The following SNX29 variants were observed in gnomAD, a reference collection of about 807,000 sequenced individuals.
SNX29 encodes the protein sorting nexin-29.
A neutral mutation model predicts 102.1 loss-of-function variants in SNX29; 78 were observed. That is an observed-to-expected ratio of 0.76 (90% CI 0.64 to 0.92). The LOEUF (loss-of-function observed/expected upper bound fraction) is 0.92, where lower values mean the gene tolerates loss of function less well. SNX29 is among the 40% of genes least tolerant of loss of function. The pLI, the probability that SNX29 is intolerant of heterozygous loss-of-function variation, is 0.00. For missense variants in SNX29, 1,280 were observed against 1,061.7 expected (o/e 1.21, Z -2.86); for synonymous variants, 580 against 414.5 (o/e 1.40, Z -4.85).
At chr16:12,555,690 C>T (rs772934380) in intron 20 of SNX29, among the ~76,000 whole-genome samples, 18 of 152,114 alleles carry the variant, frequency 1.2e-4, no homozygotes, top group South Asian at 4.2e-4. Context: ...ATAAGCCTTC[C>T]GATACTCTAC....
At chr16:11,985,930 T>G (rs2055604984) in intron 1 of SNX29, among the ~76,000 whole-genome samples, 1 of 151,660 alleles carries the variant, frequency 6.6e-6, no homozygotes, top group South Asian at 2.1e-4. Context: ...TCTCCCATGT[T>G]CAAGTGATTC....
chr16:12,449,895 G>C (rs1056628690), intron 18 of SNX29, among the ~76,000 whole-genome samples: 5 of 152,174 alleles, frequency 3.3e-5, no homozygotes, highest in African/African-American at 1.2e-4. Context: ...ATTTGGCTGT[G>C]TCCCCACCCA....
At chr16:12,276,877 C>G (rs535417569) in intron 14 of SNX29, among the ~76,000 whole-genome samples, 1 of 152,252 alleles carries the variant, frequency 6.6e-6, no homozygotes, top group African/African-American at 2.4e-5. Flanking sequence ...GACCTGGGAG[C>G]CAGTCTCTTT....
At chr16:12,331,565 T>C (rs1346578766) in intron 15 of SNX29, among the ~76,000 whole-genome samples, 1 of 152,098 alleles carries the variant, frequency 6.6e-6, no homozygotes, top group Non-Finnish European at 1.5e-5. Flanking sequence ...ATTTTTTTGT[T>C]TTTGAGATGA....
rs2054411478 is a variant in SNX29 at position 12,130,432 on chromosome 16, G to A, written c.1595+674G>A. ...GGAGCTTGCAGTGAGCTGAGATCAC[G>A]CCACTGCACTCCAGCCTGGGCGACA... On this transcript the variant is annotated intron_variant, in intron 13 of 20. Transcript: ENST00000566228. Among the ~76,000 whole-genome samples, 3 of 117,772 alleles carry A rather than the reference G, an allele frequency of 2.5e-5. No individual in the cohort carries two copies. The South Asian group carries it at 8.4e-4, about 33-fold the overall frequency. The allele number at this position is 117,772 out of a possible 152,430, so 77.3% of individuals were successfully genotyped here.
At chr16:12,321,788 A>G (rs2080940224) in intron 15 of SNX29, among the ~76,000 whole-genome samples, 1 of 152,156 alleles carries the variant, frequency 6.6e-6, no homozygotes, top group Admixed American at 6.5e-5. Context: ...TTCTCAGAGG[A>G]CAAACACATG....
At chr16:12,377,011 G>T (rs539510041) in intron 16 of SNX29, among the ~76,000 whole-genome samples, 1 of 152,212 alleles carries the variant, frequency 6.6e-6, no homozygotes, top group Admixed American at 6.5e-5. Context: ...TTCTAACCAG[G>T]AGAATGTGGG....
chr16:12,213,107 C>T (rs1482983730), intron 14 of SNX29, among the ~76,000 whole-genome samples: 2 of 152,110 alleles, frequency 1.3e-5, no homozygotes, highest in Non-Finnish European at 2.9e-5. Flanking sequence ...GAGTGAGACT[C>T]TGTCTCAAAA....
chr16:12,301,565 G>C (rs905002826), intron 15 of SNX29, among the ~76,000 whole-genome samples: 4 of 152,194 alleles, frequency 2.6e-5, no homozygotes, highest in Admixed American at 1.3e-4. Context: ...CCATTGTATT[G>C]CCCAGTTTTA....
intron 20 of SNX29, among the ~76,000 whole-genome samples, chr16:12,547,827 C>A (rs1365432689): frequency 6.6e-6 from 1 of 152,198 alleles, no homozygotes; most frequent in Non-Finnish European, 1.5e-5. Context: ...GACAGCCTTA[C>A]TGAGCCCCAG....
intron 14 of SNX29, among the ~76,000 whole-genome samples, chr16:12,250,286 G>A (rs2078383140): frequency 6.6e-6 from 1 of 152,230 alleles, no homozygotes; most frequent in Admixed American, 6.5e-5. Flanking sequence ...CTCATGGGGA[G>A]CCAAAATATA....
intron 18 of SNX29, among the ~76,000 whole-genome samples, chr16:12,472,168 C>A (rs769152023): frequency 3.3e-5 from 5 of 152,160 alleles, no homozygotes; most frequent in Non-Finnish European, 7.4e-5. Context: ...GTCCACAGTA[C>A]TGAGTGAAAG....
chr16:12,042,864 C>T (rs777951535), intron 4 of SNX29, 33 bp from the exon 5 acceptor site: 20 of 1,576,556 alleles, frequency 1.3e-5, no homozygotes, highest in East Asian at 2.3e-5. Context: ...TGCCCCAGGC[C>T]GAGTGCCAGG....
At chr16:12,141,711 G>C (rs1017602225) in intron 13 of SNX29, among the ~76,000 whole-genome samples, 3 of 152,206 alleles carry the variant, frequency 2.0e-5, no homozygotes, top group Admixed American at 2.0e-4. Flanking sequence ...AATGTCCTTA[G>C]CATGCTTATG....
At chr16:12,145,680 T>A (rs1047358208) in intron 13 of SNX29, among the ~76,000 whole-genome samples, 1 of 152,246 alleles carries the variant, frequency 6.6e-6, no homozygotes, top group Non-Finnish European at 1.5e-5. Context: ...CAGGTCATTC[T>A]GAATCTATAA....
intron 15 of SNX29, among the ~76,000 whole-genome samples, chr16:12,296,539 C>T (rs1274733903): frequency 6.6e-6 from 1 of 152,220 alleles, no homozygotes; most frequent in Non-Finnish European, 1.5e-5. Context: ...ATGTGATCCC[C>T]TGCCATTGGA....
At chr16:12,392,398 G>A (rs923012157) in intron 16 of SNX29, among the ~76,000 whole-genome samples, 4 of 152,148 alleles carry the variant, frequency 2.6e-5, no homozygotes, top group African/African-American at 9.7e-5. Context: ...GAAGTAGTAA[G>A]TTCGATCATT....
At chr16:12,062,491 A>T (rs989026608) in intron 9 of SNX29, among the ~76,000 whole-genome samples, 9 of 151,930 alleles carry the variant, frequency 5.9e-5, no homozygotes, top group African/African-American at 1.9e-4. Flanking sequence ...GTGGTTTGTT[A>T]TTGTTTTCTT....
rs547268739 is a variant in SNX29 at position 12,078,155 on chromosome 16, T to C, written c.1320-678T>C. ...GGCAGTACCACTTCAGCACTGTGCT[T>C]GGGGACATTTTAAACAATAAAATCA... On this transcript the variant is annotated intron_variant, in intron 10 of 20. Coordinates refer to ENST00000566228, the MANE Select transcript of SNX29 (RefSeq NM_032167.5). Among the ~76,000 whole-genome samples, 60 of 152,070 alleles carry C rather than the reference T, an allele frequency of 3.9e-4. No individual in the cohort carries two copies. In the South Asian group the frequency reaches 0.012, roughly 30 times the overall value.
Sources: gnomAD v4.1 joint callset for allele counts (sites outside exome capture counted in the v4.1 genomes callset) on GRCh38, gnomAD v4.1.1 for gene constraint, MANE v1.5 for transcripts, NCBI Gene and HGNC (gene_info 2026-07-23, HGNC 2026-07-21) for gene names.